The following BICRAL variants were observed in gnomAD, a reference collection of about 807,000 sequenced individuals.
The protein encoded by BICRAL is BICRA like chromatin remodeling complex associated protein.
BICRAL carries 8 observed loss-of-function variants against 91.8 expected under a neutral mutation model. That is an observed-to-expected ratio of 0.09 (90% CI 0.05 to 0.16). BICRAL has a LOEUF of 0.16. Ranked by LOEUF, BICRAL falls within the 10% of genes least tolerant of loss-of-function variation. The pLI is 1.00. For missense variants in BICRAL, 1,038 were observed against 1,310.9 expected, an observed-to-expected ratio of 0.79 and a Z score of 3.21; for synonymous variants, 445 against 491.1, an observed-to-expected ratio of 0.91 and a Z score of 1.24.
At chr6:42,860,396 A>G (rs943596776) in intron 11 of BICRAL, 40 bp downstream of exon 11, 2 of 1,138,708 alleles carry the variant, frequency 1.8e-6, no homozygotes, top group Non-Finnish European at 2.7e-6. Flanking sequence ...TTAAAACTTT[A>G]CAGGTCACAG....
At chr6:42,830,818 T>C (rs1038739960) in intron 6 of BICRAL, among the ~76,000 whole-genome samples, 2 of 152,180 alleles carry the variant, frequency 1.3e-5, no homozygotes, top group African/African-American at 4.8e-5. Flanking sequence ...GGTTTCGCCG[T>C]GTTGCCCAGG....
At chr6:42,820,475 A>T (rs1364007114) in intron 2 of BICRAL, among the ~76,000 whole-genome samples, 2 of 152,144 alleles carry the variant, frequency 1.3e-5, no homozygotes. Flanking sequence ...ATACAATTTT[A>T]TCTCACTAAA....
intron 1 of BICRAL, among the ~76,000 whole-genome samples, chr6:42,803,206 C>T (rs1312533073): frequency 6.6e-6 from 1 of 152,166 alleles, no homozygotes; most frequent in Non-Finnish European, 1.5e-5. Flanking sequence ...ATGTTCAGCA[C>T]ATAAATCCCT....
At chr6:42,830,477 A>C (rs1382484789) in intron 6 of BICRAL, among the ~76,000 whole-genome samples, 2 of 152,140 alleles carry the variant, frequency 1.3e-5, no homozygotes, top group East Asian at 3.8e-4. Flanking sequence ...GAGGCAGGAG[A>C]ATAGCTTGAG....
At chr6:42,819,077 C>T (rs1348042796) in intron 2 of BICRAL, among the ~76,000 whole-genome samples, 2 of 152,082 alleles carry the variant, frequency 1.3e-5, no homozygotes, top group East Asian at 1.9e-4. Context: ...AATCACTCAT[C>T]CAGGGATTTC....
rs745346375 is a variant in BICRAL at position 42,855,843 on chromosome 6, G to T, written c.2047-13G>T. On this transcript the variant is annotated splice_polypyrimidine_tract_variant and intron_variant, in intron 8 of 12. Coordinates refer to ENST00000314073, the MANE Select transcript of BICRAL (RefSeq NM_001393499.1). ...TATAAAAGGGAATAATAAGAGGTTT[G>T]TTTTGTCTTTAGGTGGAGAGTCATT... 1.1e-4 allele frequency: 176 copies of T among 1,607,758 alleles called. No homozygotes were observed. The highest frequency in any genetic ancestry group is 1.6e-4 in the Middle Eastern group (1 of 6,068).
At chr6:42,794,829 C>T (rs1213487423) in intron 1 of BICRAL, among the ~76,000 whole-genome samples, 5 of 148,830 alleles carry the variant, frequency 3.4e-5, no homozygotes, top group African/African-American at 9.9e-5. Flanking sequence ...GGCGTGGTGG[C>T]GGGCACCTGT....
chr6:42,761,888 T>C (rs1300891323), intron 1 of BICRAL, among the ~76,000 whole-genome samples: 1 of 151,956 alleles, frequency 6.6e-6, no homozygotes, highest in Non-Finnish European at 1.5e-5. Context: ...CACTCTATCC[T>C]GGGTGACCTT....
chr6:42,755,273 A>G (rs1041888394), intron 1 of BICRAL, among the ~76,000 whole-genome samples: 3 of 152,192 alleles, frequency 2.0e-5, no homozygotes, highest in Admixed American at 2.0e-4. Flanking sequence ...GCAGGAGACC[A>G]GCTCAAGAGA....
intron 1 of BICRAL, among the ~76,000 whole-genome samples, chr6:42,761,344 TACTTGGGAGGTGGAGGATCTCTTGA>T (rs958345299): frequency 6.6e-6 from 1 of 151,882 alleles, no homozygotes; most frequent in Non-Finnish European, 1.5e-5. Context: ...TAATCCCAGC[TACTTGGGAGGTGGAGGATCTCTTGA>T]ACTTGGGAGG....
At chr6:42,859,723 G>A (rs1765493407) in intron 10 of BICRAL, among the ~76,000 whole-genome samples, 2 of 152,120 alleles carry the variant, frequency 1.3e-5, no homozygotes, top group East Asian at 1.9e-4. Context: ...CTCACTGCAA[G>A]CTCCGCCTTC....
At chr6:42,779,453 G>A (rs80277913), upstream of BICRAL, among the ~76,000 whole-genome samples, 918 of 152,224 alleles carry the variant, frequency 6.0e-3, 10 homozygotes, top group African/African-American at 0.021. Flanking sequence ...TTAGAAAACT[G>A]GTTGGTCCAA....
intron 1 of BICRAL, among the ~76,000 whole-genome samples, chr6:42,763,173 A>G (rs749223406): frequency 1.3e-5 from 2 of 152,140 alleles, no homozygotes; most frequent in African/African-American, 2.4e-5. Flanking sequence ...TACTTCACTT[A>G]TATTATCTCA....
chr6:42,854,696 T>A (rs373106837), intron 8 of BICRAL, among the ~76,000 whole-genome samples: 12 of 151,918 alleles, frequency 7.9e-5, no homozygotes, highest in African/African-American at 2.2e-4. Context: ...ATTTTTATAT[T>A]TTTTTTAAGA....
chr6:42,783,422 T>C (rs1390210101), intron 1 of BICRAL, among the ~76,000 whole-genome samples: 2 of 151,800 alleles, frequency 1.3e-5, no homozygotes, highest in African/African-American at 4.8e-5. Flanking sequence ...AAATGCGGGA[T>C]ATTGGGTGGG....
In BICRAL at chr6:42,774,355, A is replaced by C. The variant is rs532817526; in HGVS notation, c.-260-7484A>C. ...TAGGGGAAAGGTGGGTGTTACAAAC[A>C]TGCATAGAGACTAGAGAGGAAGAGC... On this transcript the variant is annotated intron_variant, in intron 1 of 14. Transcript: ENST00000614467. Among the ~76,000 whole-genome samples, 6 of 152,332 alleles carry C rather than the reference A, an allele frequency of 3.9e-5. No homozygotes were observed. In the East Asian group the frequency reaches 1.2e-3, roughly 29 times the overall value.
intron 1 of BICRAL, among the ~76,000 whole-genome samples, chr6:42,766,788 C>T (rs1013777501): frequency 1.3e-5 from 2 of 151,726 alleles, no homozygotes; most frequent in Non-Finnish European, 2.9e-5. Context: ...CACCTGTAAT[C>T]CCAGCACTTT....
intron 1 of BICRAL, among the ~76,000 whole-genome samples, chr6:42,792,021 A>C (rs981521104): frequency 6.6e-6 from 1 of 152,134 alleles, no homozygotes; most frequent in African/African-American, 2.4e-5. Context: ...ATATCTAAAC[A>C]TGGTACAGTA....
At chr6:42,850,745 A>G (rs932708136) in intron 6 of BICRAL, among the ~76,000 whole-genome samples, 2 of 151,644 alleles carry the variant, frequency 1.3e-5, no homozygotes, top group Non-Finnish European at 2.9e-5. Context: ...ATAGCCAGGC[A>G]TGGTGGCACA....
Sources: allele counts gnomAD v4.1 joint callset (sites outside exome capture counted in the v4.1 genomes callset), GRCh38; gene constraint gnomAD v4.1.1; transcripts MANE v1.5; gene names NCBI Gene and HGNC (gene_info 2026-07-23, HGNC 2026-07-21).